Variants in CELF2 observed in about 807,000 individuals in gnomAD.
The protein encoded by CELF2 is CUG triplet repeat RNA-binding protein 2.
CELF2 carries 8 observed loss-of-function variants against 62.6 expected under a neutral mutation model. That is an observed-to-expected ratio of 0.13 (90% CI 0.07 to 0.23). The LOEUF is 0.23. Ranked by LOEUF, CELF2 falls within the 10% of genes least tolerant of loss-of-function variation. The pLI, the probability that CELF2 is intolerant of heterozygous loss-of-function variation, is 1.00. For missense variants in CELF2, 333 were observed against 671.0 expected (o/e 0.50, Z 5.56); for synonymous variants, 258 against 250.0 (o/e 1.03, Z -0.30).
At chr10:11,170,405 G>A (rs1030945096) in intron 2 of CELF2, among the ~76,000 whole-genome samples, 44 of 152,298 alleles carry the variant, frequency 2.9e-4, no homozygotes, top group Admixed American at 9.2e-4. Flanking sequence ...ACTGCTTTGG[G>A]AAATTGAATG....
chr10:10,614,707 A>G, the CELF2 span, among the ~76,000 whole-genome samples: 1 of 152,190 alleles, frequency 6.6e-6, no homozygotes, highest in Admixed American at 6.5e-5. Flanking sequence ...TGTCCTTGCC[A>G]GTTGTTATCA....
the CELF2 span, among the ~76,000 whole-genome samples, chr10:10,692,899 G>T: frequency 7.6e-6 from 1 of 132,188 alleles, no homozygotes. Context: ...TCAGCTTAAG[G>T]AGATTTTGGG....
At chr10:10,978,569 G>C (rs1472522555) in intron 2 of CELF2, among the ~76,000 whole-genome samples, 1 of 152,122 alleles carries the variant, frequency 6.6e-6, no homozygotes, top group Non-Finnish European at 1.5e-5. Flanking sequence ...TCAGTGTCCA[G>C]AATAATTGGT....
the CELF2 span, among the ~76,000 whole-genome samples, chr10:10,731,454 G>T: frequency 3.3e-5 from 5 of 152,212 alleles, no homozygotes; most frequent in African/African-American, 1.2e-4. Flanking sequence ...AAAAAGAAAT[G>T]ACAATTGTAT....
chr10:11,235,902 C>G (rs746016959), intron 3 of CELF2, among the ~76,000 whole-genome samples: 2 of 152,008 alleles, frequency 1.3e-5, no homozygotes, highest in Middle Eastern at 3.2e-3. Flanking sequence ...GGGAATTACC[C>G]TAGTTATGTT....
intron 11 of CELF2, among the ~76,000 whole-genome samples, chr10:11,322,695 A>G (rs2095506645): frequency 6.6e-6 from 1 of 151,542 alleles, no homozygotes; most frequent in African/African-American, 2.4e-5. Flanking sequence ...AATAACATGG[A>G]TATCACTTTT....
the CELF2 span, among the ~76,000 whole-genome samples, chr10:10,496,151 T>G: frequency 6.6e-6 from 1 of 152,196 alleles, no homozygotes; most frequent in Non-Finnish European, 1.5e-5. Context: ...CCTAAAGCCG[T>G]GCAGGTCTTA....
At chr10:11,086,578 TAAAAAAAAA>T (rs1168932032) in intron 1 of CELF2, among the ~76,000 whole-genome samples, 6,790 of 71,930 alleles carry the variant, frequency 0.094, 329 homozygotes, top group Middle Eastern at 0.14. Context: ...TTGCATTTGT[TAAAAAAAAA>T]AAAAAAAAAA....
chr10:10,559,972 G>A, the CELF2 span, among the ~76,000 whole-genome samples: 4 of 152,316 alleles, frequency 2.6e-5, 1 homozygote, highest in South Asian at 8.3e-4. Context: ...CTTCTGTAGT[G>A]TATATGGCAA....
chr10:10,844,885 A>G (rs10795827), intron 1 of CELF2, among the ~76,000 whole-genome samples: 70,620 of 151,946 alleles, frequency 0.46, 16,909 homozygotes, highest in African/African-American at 0.58. Context: ...CCTCTTCCAC[A>G]AGGATCTCCC....
intron 5 of CELF2, among the ~76,000 whole-genome samples, chr10:11,264,951 C>T (rs1282697185): frequency 6.6e-6 from 1 of 152,172 alleles, no homozygotes; most frequent in Non-Finnish European, 1.5e-5. Flanking sequence ...TTCTCATGTA[C>T]TGAGAGTTTT....
rs910528114 is a variant in CELF2, at chr10:11,324,824, A to G, written c.1295-1012A>G. Among the ~76,000 whole-genome samples the G allele has an allele frequency of 1.3e-5, 2 of 152,192 alleles. No individual in the cohort carries two copies. Among genetic ancestry groups the G allele is most frequent in the African/African-American group, 4.8e-5 (2 of 41,438 alleles). On this transcript the variant is annotated intron_variant, in intron 11 of 12. Transcript: ENST00000633077. The surrounding 1 kb of genome is among the most constrained non-coding windows in gnomAD (Gnocchi z 4.7). Reference sequence around the variant, plus strand: ...ATCCCCTGGGGTTGCCTAGTTGGGCAGGCAGGCCTGTTCCTCTCCTGTGAA... The same window carrying G: ...ATCCCCTGGGGTTGCCTAGTTGGGCGGGCAGGCCTGTTCCTCTCCTGTGAA...
intron 1 of CELF2, among the ~76,000 whole-genome samples, chr10:10,803,622 G>T (rs556876361): frequency 6.6e-6 from 1 of 152,194 alleles, no homozygotes; most frequent in Non-Finnish European, 1.5e-5. Flanking sequence ...ATAGGCAACA[G>T]CCAGTACTCA....
At chr10:10,876,139 G>A (rs574551719) in intron 1 of CELF2, among the ~76,000 whole-genome samples, 1 of 152,104 alleles carries the variant, frequency 6.6e-6, no homozygotes, top group Admixed American at 6.6e-5. Context: ...TTTTTATGAG[G>A]CTTATTCTAA....
intron 4 of CELF2, among the ~76,000 whole-genome samples, chr10:11,250,859 C>T (rs2137393293): frequency 6.6e-6 from 1 of 152,312 alleles, no homozygotes; most frequent in Admixed American, 6.5e-5. Context: ...ACTGTTTGCA[C>T]CCAGAGGTGG....
Position 11,315,857 on chromosome 10 carries a change from C to A in CELF2, c.1096+1599C>A, listed in dbSNP as rs1030531913. ...CGAGGACGCGTGTGCTCGCACACAT[C>A]CCCTCATGCTGCTTCTCTTGCCCCA... On this transcript the variant is annotated intron_variant, in intron 10 of 12. Coordinates refer to ENST00000633077, the MANE Select transcript of CELF2 (RefSeq NM_001326342.2). This position sits in a 1 kb window ranked among gnomAD's most constrained non-coding sequence, Gnocchi z 5.8. Among the ~76,000 whole-genome samples, 1 of 152,220 alleles carries A rather than the reference C, an allele frequency of 6.6e-6. No individual in the cohort carries two copies. The highest frequency in any genetic ancestry group is 2.4e-5 in the African/African-American group (1 of 41,464).
intron 1 of CELF2, among the ~76,000 whole-genome samples, chr10:11,092,836 G>A (rs1194661143): frequency 6.6e-6 from 1 of 152,168 alleles, no homozygotes; most frequent in Non-Finnish European, 1.5e-5. Context: ...AACCCCATCA[G>A]CATTCTAGAC....
At chr10:10,622,478 G>GTGTA in the CELF2 span, among the ~76,000 whole-genome samples, 4 of 150,792 alleles carry the variant, frequency 2.7e-5, no homozygotes, top group South Asian at 4.2e-4. Context: ...GTGTGTGTGT[G>GTGTA]TATATATATA....
chr10:10,968,822 A>G (rs2050438785), intron 2 of CELF2, among the ~76,000 whole-genome samples: 3 of 152,226 alleles, frequency 2.0e-5, no homozygotes, highest in African/African-American at 7.2e-5. Flanking sequence ...CTAAAGGTCA[A>G]ACCATTATGG....
Sources: gnomAD v4.1 joint callset for allele counts (sites outside exome capture counted in the v4.1 genomes callset) on GRCh38, gnomAD v4.1.1 for gene constraint, Gnocchi (gnomAD v3.1) non-coding constraint, MANE v1.5 for transcripts, NCBI Gene and HGNC (gene_info 2026-07-23, HGNC 2026-07-21) for gene names.